TMEFF1: variants seen among roughly 807,000 people sequenced by gnomAD.
TMEFF1 encodes the protein tomoregulin-1.
Under a neutral mutation model 47.5 loss-of-function variants are expected in TMEFF1, and 20 were observed. The ratio of observed to expected loss-of-function variants is 0.42; its 90% CI spans 0.30 to 0.61. The LOEUF is 0.61. Among genes scored for constraint, TMEFF1 ranks in the 20% least tolerant of loss-of-function variants. TMEFF1 has a pLI of 0.19. For missense variants in TMEFF1, 411 were observed against 471.1 expected (o/e 0.87, Z 1.18); for synonymous variants, 162 against 166.3 (o/e 0.97, Z 0.20).
chr9:100,568,731 C>G (rs868578875), intron 8 of TMEFF1, among the ~76,000 whole-genome samples: 1 of 152,172 alleles, frequency 6.6e-6, no homozygotes, highest in African/African-American at 2.4e-5. Flanking sequence ...CAAATCCCCT[C>G]ATGCTCTCTA....
rs185241366 is a variant in TMEFF1, at chr9:100,482,488, A to G, written c.196+8748A>G. On this transcript the variant is annotated intron_variant, in intron 1 of 9. Transcript: ENST00000374879. ...GCTGGGATTACAGGCGTGAGCCACC[A>G]CTCTGGCCTGCATTCTCTTCTAAAC... Among the ~76,000 whole-genome samples, 9 of 151,920 alleles carry G rather than the reference A, an allele frequency of 5.9e-5. No homozygotes were observed. The East Asian group carries it at 1.7e-3, about 29-fold the overall frequency.
At position 100,509,134 on chromosome 9, in the gene TMEFF1, G is replaced by A; in HGVS notation, c.436G>A (p.Asp146Asn). ...AATAGCAAGAGGACCATGCTACTCTGGTATGTATGATATTCTTCTGAATAA... is the reference window on the plus strand; with the variant it reads ...AATAGCAAGAGGACCATGCTACTCTAGTATGTATGATATTCTTCTGAATAA... Reference protein sequence around the residue: ...TVIARGPCYSDNGSGSGEGEE... With the variant: ...TVIARGPCYSNNGSGSGEGEE... Residue 146 changes from aspartate to asparagine, a missense_variant and splice_region_variant, in exon 3 of 10, where the codon GAT becomes AAT. Asp to Asn is a conservative substitution (Grantham distance 23). Transcript: ENST00000374879. 6.5e-7 allele frequency: 1 copy of A among 1,531,684 alleles called. No homozygotes were observed. The highest frequency in any genetic ancestry group is 1.3e-5 in the South Asian group (1 of 77,536). 94.9% of individuals were successfully genotyped at this position (1,531,684 alleles called of 1,614,324 possible).
chr9:100,558,886 G>T (rs1838964728), intron 7 of TMEFF1, among the ~76,000 whole-genome samples: 1 of 151,816 alleles, frequency 6.6e-6, no homozygotes, highest in Non-Finnish European at 1.5e-5. Flanking sequence ...TCTCATTTAG[G>T]CCTCAAAACA....
At chr9:100,499,436 A>G (rs988989352) in intron 2 of TMEFF1, among the ~76,000 whole-genome samples, 3 of 152,232 alleles carry the variant, frequency 2.0e-5, no homozygotes, top group African/African-American at 7.2e-5. Context: ...AGTTATATTT[A>G]ATTCTTTCTT....
At chr9:100,565,102 A>C (rs1419066347) in intron 8 of TMEFF1, among the ~76,000 whole-genome samples, 1 of 152,178 alleles carries the variant, frequency 6.6e-6, no homozygotes, top group Non-Finnish European at 1.5e-5. Flanking sequence ...ATCCGCTTAC[A>C]GATGTCTAGT....
chr9:100,480,353 T>A (rs1837317613), intron 1 of TMEFF1, among the ~76,000 whole-genome samples: 1 of 152,226 alleles, frequency 6.6e-6, no homozygotes, highest in Non-Finnish European at 1.5e-5. Flanking sequence ...GTATTTGTTT[T>A]CAAACTTATT....
chr9:100,533,954 T>G (rs1838454185), intron 5 of TMEFF1, among the ~76,000 whole-genome samples: 1 of 152,116 alleles, frequency 6.6e-6, no homozygotes, highest in Non-Finnish European at 1.5e-5. Context: ...CCTGACCTCA[T>G]GATCCACCCA....
intron 1 of TMEFF1, among the ~76,000 whole-genome samples, chr9:100,483,748 T>G (rs1837387331): frequency 6.6e-6 from 1 of 152,142 alleles, no homozygotes; most frequent in Non-Finnish European, 1.5e-5. Context: ...AAGTCTCTCT[T>G]TGTGTATCTA....
chr9:100,477,695 G>C (rs934326666), intron 1 of TMEFF1, among the ~76,000 whole-genome samples: 2 of 142,774 alleles, frequency 1.4e-5, no homozygotes, highest in East Asian at 4.1e-4. Flanking sequence ...GCATGATCTC[G>C]GCTCACTGTA....
intron 1 of TMEFF1, among the ~76,000 whole-genome samples, chr9:100,496,565 C>T (rs753260672): frequency 6.6e-6 from 1 of 152,208 alleles, no homozygotes; most frequent in Non-Finnish European, 1.5e-5. Context: ...TTCTGCCTCA[C>T]ATTAGCAGGG....
In TMEFF1 at chr9:100,474,331, G is replaced by A. The variant is rs117582854; in HGVS notation, c.196+591G>A. ...GGCGATGCAGAGTGACTGTGTGTGT[G>A]CGCGCGCGCGCGCGTGTGTGTTCTT... On this transcript the variant is annotated intron_variant, in intron 1 of 9. Coordinates refer to ENST00000374879, the MANE Select transcript of TMEFF1 (RefSeq NM_003692.5). 1.4e-3 allele frequency among the ~76,000 whole-genome samples: 207 copies of A among 151,778 alleles called. 1 individual carries two copies. The highest frequency in any genetic ancestry group is 2.3e-3 in the Non-Finnish European group (158 of 67,872).
chr9:100,488,544 A>G (rs1837492420), intron 1 of TMEFF1, among the ~76,000 whole-genome samples: 1 of 152,210 alleles, frequency 6.6e-6, no homozygotes, highest in Admixed American at 6.5e-5. Context: ...TCATTTTTCT[A>G]TACTTTCTCC....
chr9:100,540,577 GT>G (rs1346409538), intron 5 of TMEFF1, among the ~76,000 whole-genome samples: 1 of 152,000 alleles, frequency 6.6e-6, no homozygotes, highest in East Asian at 1.9e-4. Flanking sequence ...GGCCCCCACA[GT>G]GCAGTGGCAG....
In TMEFF1 at chr9:100,509,039, A is replaced by G; in HGVS notation, c.341A>G (p.Asn114Ser). 1 of 1,603,722 alleles carries G rather than the reference A, an allele frequency of 6.2e-7. No individual in the cohort carries two copies. Among genetic ancestry groups the G allele is most frequent in the Non-Finnish European group, 8.5e-7 (1 of 1,176,500 alleles). Reference protein sequence around the residue: ...HTNYIPVCGSNGDTYQNECFL... With the variant: ...HTNYIPVCGSSGDTYQNECFL... ...AATTATATTCCTGTCTGTGGATCAA[A>G]TGGGGACACTTATCAAAATGAATGC... is the stretch of plus-strand genomic sequence containing the variant. The change falls in exon 3 of 10, where the codon AAT becomes AGT. Residue 114 changes from asparagine (N) to serine (S), a missense_variant. Transcript: ENST00000374879.
chr9:100,506,857 A>G (rs1837873725), intron 2 of TMEFF1, among the ~76,000 whole-genome samples: 1 of 151,612 alleles, frequency 6.6e-6, no homozygotes, highest in South Asian at 2.1e-4. Flanking sequence ...GTCACACAAT[A>G]TATTTTTTAA....
At position 100,544,087 on chromosome 9, in the gene TMEFF1, G is replaced by GATATATAT. The variant is rs35750255; in HGVS notation, c.561-3645_561-3638dup. 5.9e-3 allele frequency among the ~76,000 whole-genome samples: 874 copies of GATATATAT among 147,192 alleles called. 11 individuals are homozygous for GATATATAT. The highest frequency in any genetic ancestry group is 0.02 in the African/African-American group (816 of 40,020). On this transcript the variant is annotated intron_variant, in intron 5 of 9. Coordinates refer to ENST00000374879, the MANE Select transcript of TMEFF1 (RefSeq NM_003692.5). ...CTCATTTCCAGTTTACCTTCATGCT[G>GATATATAT]ATATATATATATATATATAACTTTT... is the stretch of plus-strand genomic sequence containing the variant.
At chr9:100,506,744 G>A (rs1223164330) in intron 2 of TMEFF1, among the ~76,000 whole-genome samples, 1 of 142,232 alleles carries the variant, frequency 7.0e-6, no homozygotes, top group Non-Finnish European at 1.5e-5. Flanking sequence ...TCCAGCCTAG[G>A]CGACAGAGCG....
intron 2 of TMEFF1, among the ~76,000 whole-genome samples, chr9:100,507,219 C>G (rs1837880538): frequency 6.6e-6 from 1 of 152,058 alleles, no homozygotes; most frequent in Admixed American, 6.6e-5. Flanking sequence ...TGTAGTATTC[C>G]TTGGTGTATA....
chr9:100,526,289 A>C (rs1838251767), intron 5 of TMEFF1, among the ~76,000 whole-genome samples: 1 of 152,162 alleles, frequency 6.6e-6, no homozygotes, highest in African/African-American at 2.4e-5. Flanking sequence ...GATATCTCAC[A>C]ATGTTATGCC....
Sources: gnomAD v4.1 joint callset for allele counts (sites outside exome capture counted in the v4.1 genomes callset) on GRCh38, gnomAD v4.1.1 for gene constraint, MANE v1.5 for transcripts, NCBI Gene and HGNC (gene_info 2026-07-23, HGNC 2026-07-21) for gene names.